Variants in LMNB2 observed in about 807,000 individuals in gnomAD.
LMNB2 encodes lamin B2, also known as lamin-B2.
A neutral mutation model predicts 69.3 loss-of-function variants in LMNB2; 17 were observed. That is an observed-to-expected ratio of 0.25 (90% confidence interval 0.17 to 0.37). The LOEUF (loss-of-function observed/expected upper bound fraction) is 0.37. Ranked by LOEUF, LMNB2 falls within the 10% of genes least tolerant of loss-of-function variation. LMNB2 has a pLI of 1.00. For synonymous variants in LMNB2, 397 were observed against 389.3 expected (o/e 1.02, Z -0.23); for missense variants, 789 against 883.6 (o/e 0.89, Z 1.36).
At position 2,434,761 on chromosome 19, in the gene LMNB2, G is replaced by A. The variant is rs545642790; in HGVS notation, c.981+27C>T. On this transcript the variant is annotated intron_variant, in intron 6 of 11. Transcript: ENST00000325327. ...GGCCCAGAAGTTGGGCCAGGGGGAC[G>A]GCAGACGGTGGCGCTGTGCTCATCA... is the stretch of plus-strand genomic sequence containing the variant. The A allele has an allele frequency of 9.6e-5, 153 of 1,588,828 alleles. 2 individuals carry two copies. In the East Asian group the frequency reaches 3.2e-3, roughly 34 times the overall value.
chr19:2,432,706 G>A (rs1159785005), intron 8 of LMNB2, among the ~76,000 whole-genome samples, 183 bp from the exon 9 acceptor site: 7 of 144,950 alleles, frequency 4.8e-5, no homozygotes, highest in Admixed American at 2.8e-4. Context: ...CGGCGGCCCT[G>A]TCACCCTGAC....
intron 2 of LMNB2, among the ~76,000 whole-genome samples, chr19:2,441,712 T>C (rs7260606): frequency 0.37 from 56,839 of 152,094 alleles, 11,450 homozygotes; most frequent in African/African-American, 0.54. Flanking sequence ...ACAGGCTGCC[T>C]ACCAGACAGG....
chr19:2,430,743 T>C lies in LMNB2; in HGVS notation c.*168A>G. 1.4e-6 allele frequency: 1 copy of C among 705,872 alleles called. No homozygotes were observed. 43.7% of individuals were successfully genotyped at this position (705,872 alleles called of 1,614,324 possible). A position where few individuals can be genotyped will look rare whatever the true frequency, so the allele number is the denominator to read the frequency against. On this transcript the variant is annotated 3_prime_UTR_variant, in exon 12 of 12. Transcript: ENST00000325327. ...CGGCGAAGTGGCAGCGAAGTGAGGC[T>C]GGAGGAGACCCGCCAGGAGGGAGGG...
intron 2 of LMNB2, among the ~76,000 whole-genome samples, chr19:2,442,923 C>T (rs1052612729): frequency 7.2e-5 from 11 of 152,178 alleles, no homozygotes; most frequent in Admixed American, 2.0e-4. Flanking sequence ...AGTTGAGAGG[C>T]GCCTGGTGCG....
chr19:2,452,268 G>A (rs183685423), intron 1 of LMNB2, among the ~76,000 whole-genome samples: 8 of 152,278 alleles, frequency 5.3e-5, no homozygotes, highest in African/African-American at 1.9e-4. Context: ...CCTGCGGGCA[G>A]GAAAGAAGTG....
In LMNB2 at chr19:2,438,460, C is replaced by T. The variant is rs375613243; in HGVS notation, c.473G>A (p.Arg158Gln). The T allele has an allele frequency of 1.9e-5, 30 of 1,612,180 alleles. No individual in the cohort carries two copies. Among genetic ancestry groups the T allele is most frequent in the East Asian group, 1.8e-4 (8 of 44,864 alleles). The change falls in exon 3 of 12, where the codon CGG becomes CAG. Residue 158 changes from arginine (R) to glutamine (Q), a missense_variant. Transcript: ENST00000325327. ...RVKDLESLFH[R>Q]SEVELAAALS... is the part of the protein sequence containing the mutation. ...GGCAGCTGCCAGCTCCACCTCGCTCCGGTGGAACAGGGACTCCAGGTCCTT... is the reference window on the plus strand; with the variant it reads ...GGCAGCTGCCAGCTCCACCTCGCTCTGGTGGAACAGGGACTCCAGGTCCTT...
chr19:2,432,110 G>A (rs1971748311), intron 9 of LMNB2, among the ~76,000 whole-genome samples: 1 of 152,132 alleles, frequency 6.6e-6, no homozygotes, highest in Admixed American at 6.5e-5. Context: ...GCAAGCAGGG[G>A]CTGAACTGGG....
intron 2 of LMNB2, 93 bp from the exon 3 acceptor site, chr19:2,438,624 G>C (rs1222933007): frequency 3.4e-6 from 5 of 1,469,568 alleles, no homozygotes; most frequent in Non-Finnish European, 4.6e-6. Flanking sequence ...CCAAAGACAA[G>C]GTCACCGAGG....
Position 2,444,502 on chromosome 19 carries a change from G to A in LMNB2, c.303C>T (p.Ala101=), listed in dbSNP as rs137884900. The A allele has an allele frequency of 4.2e-5, 68 of 1,612,878 alleles. 1 individual carries two copies. Among genetic ancestry groups the A allele is most frequent in the South Asian group, 1.6e-4 (15 of 91,090 alleles). The change falls in exon 2 of 12, where the codon GCC becomes GCT. Residue 101 remains alanine (A), a synonymous_variant. Transcript: ENST00000325327. ...GIKALYESEL[A]DARRVLDETA... ...TCTCATCCAGGACTCTCCGGGCATC[G>A]GCCAGCTCCGACTCGTACAGCGCCT...
In LMNB2 at chr19:2,450,121, C is replaced by CATATATATATATATAT. The variant is rs944605865; in HGVS notation, c.265-5582_265-5581insATATATATATATATAT. On this transcript the variant is annotated intron_variant, in intron 1 of 11. Transcript: ENST00000325327. ...ATATACATATACATATATATATACA[C>CATATATATATATATAT]ATATATATATATATTCCATTAAAAC... 5.2e-3 allele frequency among the ~76,000 whole-genome samples: 743 copies of CATATATATATATATAT among 142,366 alleles called. 7 individuals are homozygous for CATATATATATATATAT. The highest frequency in any genetic ancestry group is 0.018 in the African/African-American group (694 of 38,176). The allele number at this position is 142,366 out of a possible 152,430, so 93.4% of individuals were successfully genotyped here. A position where few individuals can be genotyped will look rare whatever the true frequency, so the allele number is the denominator to read the frequency against.
rs1484801133 is a variant in LMNB2 at position 2,435,019 on chromosome 19, C to T, written c.837G>A (p.Glu279=). ...GCCACACCTTGGCCTGGTAGGTCTG[C>T]TCCAGCTCCAGCTTGTAGAGCCGCA... The part of the protein sequence containing the change: ...EQVRLYKLEL[E]QTYQAKLDSA... Residue 279 remains glutamate, a synonymous_variant, in exon 5 of 12, where the codon GAG becomes GAA. Coordinates refer to ENST00000325327, the MANE Select transcript of LMNB2 (RefSeq NM_032737.4). 3.1e-6 allele frequency: 5 copies of T among 1,597,646 alleles called. No individual in the cohort carries two copies. The East Asian group carries it at 9.1e-5, about 29-fold the overall frequency.
In LMNB2 at chr19:2,433,919, G is replaced by T; in HGVS notation, c.1389C>A (p.His463Gln). The T allele has an allele frequency of 6.2e-7, 1 of 1,612,206 alleles. No individual in the cohort carries two copies. The highest frequency in any genetic ancestry group is 1.1e-5 in the South Asian group (1 of 91,048). ...GTGTGGSGGF[H>Q]LAQQASASGS... is the part of the protein sequence containing the mutation. ...CCGAGGCCGAGGCCTGCTGGGCCAG[G>T]TGGAAGCCACCGCTGCCACCCGTGC... The change falls in exon 8 of 12, where the codon CAC (histidine) becomes CAA (glutamine). Residue 463 changes from histidine (H) to glutamine (Q), a missense_variant. His to Gln is a conservative substitution (Grantham distance 24, BLOSUM62 0). Around this residue, in one of 3 missense-constraint regions of LMNB2, gnomAD observed 609 missense variants for 630.9 expected, o/e 0.97. Transcript: ENST00000325327.
At chr19:2,434,948 G>A (rs1390695714) in intron 5 of LMNB2, 35 bp from the exon 6 acceptor site, 1 of 1,584,594 alleles carries the variant, frequency 6.3e-7, no homozygotes, top group South Asian at 1.1e-5. Context: ...GCGGGCGCGG[G>A]GCGGGGCGGG....
At chr19:2,451,809 C>T (rs1972025304) in intron 1 of LMNB2, among the ~76,000 whole-genome samples, 1 of 151,606 alleles carries the variant, frequency 6.6e-6, no homozygotes, top group African/African-American at 2.4e-5. Flanking sequence ...GAACTACAGC[C>T]CTGTGCAGAA....
rs1257536017 is a variant in LMNB2 at position 2,443,313 on chromosome 19, G to A, written c.401+1091C>T. On this transcript the variant is annotated intron_variant, in intron 2 of 11. Coordinates refer to ENST00000325327, the MANE Select transcript of LMNB2 (RefSeq NM_032737.4). This position sits in a 1 kb window ranked among gnomAD's most constrained non-coding sequence, Gnocchi z 6.2. The stretch of plus-strand genomic sequence containing the variant: ...GGGGAAGGGAAGTCAGCTCTCCACG[G>A]GAGCAGCGCCAGCCCAGGAAGGAGG... 6.6e-6 allele frequency among the ~76,000 whole-genome samples: 1 copy of A among 152,194 alleles called. No individual in the cohort carries two copies. The highest frequency in any genetic ancestry group is 2.4e-5 in the African/African-American group (1 of 41,450).
chr19:2,451,762 T>G (rs1972024724), intron 1 of LMNB2, among the ~76,000 whole-genome samples: 1 of 152,092 alleles, frequency 6.6e-6, no homozygotes, highest in Non-Finnish European at 1.5e-5. Context: ...ATAACTCGGC[T>G]GGAGGAGGCC....
chr19:2,434,982 A>T lies in LMNB2; in HGVS notation c.855+19T>A, dbSNP rs993281010. The T allele has an allele frequency of 1.0e-6, 1 of 962,314 alleles. No homozygotes were observed. Among genetic ancestry groups the T allele is most frequent in the African/African-American group, 1.7e-5 (1 of 59,334 alleles). 59.6% of individuals were successfully genotyped at this position (962,314 alleles called of 1,614,324 possible). On this transcript the variant is annotated intron_variant, in intron 5 of 11. Coordinates refer to ENST00000325327, the MANE Select transcript of LMNB2 (RefSeq NM_032737.4). The stretch of plus-strand genomic sequence containing the variant: ...GGGTTCCCACCGGCCGCCCCCGCCC[A>T]CCCGCCTGCCGGCCACACCTTGGCC...
At chr19:2,436,641 G>A (rs1243785184) in intron 4 of LMNB2, among the ~76,000 whole-genome samples, 5 of 36,774 alleles carry the variant, frequency 1.4e-4, no homozygotes, top group African/African-American at 6.0e-4. Flanking sequence ...CCACAGCCGC[G>A]CACCCACCTC....
chr19:2,450,640 C>T (rs151040520), intron 1 of LMNB2, among the ~76,000 whole-genome samples: 233 of 151,924 alleles, frequency 1.5e-3, no homozygotes, highest in Non-Finnish European at 2.0e-3. Flanking sequence ...TGCACCATTG[C>T]ATTCCAGCCT....
Sources: allele counts gnomAD v4.1 joint callset (sites outside exome capture counted in the v4.1 genomes callset), GRCh38; gene constraint gnomAD v4.1.1; regional missense constraint gnomAD v4.1.1; non-coding constraint Gnocchi (gnomAD v3.1); transcripts MANE v1.5; gene names NCBI Gene and HGNC (gene_info 2026-07-23, HGNC 2026-07-21).